Variants in TRAPPC13 observed in about 807,000 individuals in gnomAD.
TRAPPC13 encodes trafficking protein particle complex subunit 13.
In TRAPPC13, 39 loss-of-function variants were observed where a neutral mutation model predicts 54.0. The observed-to-expected ratio is 0.72, with a 90% confidence interval of 0.56 to 0.94. The LOEUF (loss-of-function observed/expected upper bound fraction) is 0.94, where lower values mean the gene tolerates loss of function less well. TRAPPC13 is among the 40% of genes least tolerant of loss of function. TRAPPC13 has a pLI of 0.00. For synonymous variants in TRAPPC13, 148 were observed against 167.7 expected (o/e 0.88, Z 0.91); for missense variants, 386 against 488.1 (o/e 0.79, Z 1.97).
Position 65,652,903 on chromosome 5 carries a change from C to A in TRAPPC13, c.546+358C>A, listed in dbSNP as rs144669676. 9.4e-3 allele frequency among the ~76,000 whole-genome samples: 1,425 copies of A among 151,950 alleles called. 24 individuals carry two copies. The highest frequency in any genetic ancestry group is 0.033 in the African/African-American group (1,366 of 41,432). ...ACAAAAATTGAATTAGTAGATCTAA[C>A]GCTGCAAAATAGATTTAATATTCAC... On this transcript the variant is annotated intron_variant, in intron 7 of 12. Coordinates refer to ENST00000399438, the MANE Select transcript of TRAPPC13 (RefSeq NM_024941.4).
At position 65,650,836 on chromosome 5, in the gene TRAPPC13, C is replaced by G; in HGVS notation, c.455C>G (p.Thr152Ser). The G allele has an allele frequency of 6.2e-7, 1 of 1,613,260 alleles. No homozygotes were observed. ...TTGGTATGTGCTGTGAGTTATACAA[C>G]TCAGGCTGGAGAAAAAATGTATTTC... ...HILVCAVSYT[T>S]QAGEKMYFRK... Residue 152 changes from threonine to serine, a missense_variant, in exon 6 of 13, where the codon ACT (threonine) becomes AGT (serine). By Grantham distance (58) the Thr-to-Ser change is moderately conservative (BLOSUM62 1). Coordinates refer to ENST00000399438, the MANE Select transcript of TRAPPC13 (RefSeq NM_024941.4).
At chr5:65,652,396 A>T in intron 6 of TRAPPC13, 105 bp from the exon 7 acceptor site, 1 of 717,962 alleles carries the variant, frequency 1.4e-6, no homozygotes, top group Non-Finnish European at 2.3e-6. Flanking sequence ...TCTTTTAACA[A>T]TTAAAATTGG....
chr5:65,640,042 G>A (rs900027603), intron 4 of TRAPPC13, among the ~76,000 whole-genome samples: 7 of 152,196 alleles, frequency 4.6e-5, no homozygotes, highest in Admixed American at 3.3e-4. Flanking sequence ...GAAACTGGAT[G>A]CAAATTTGTG....
intron 4 of TRAPPC13, among the ~76,000 whole-genome samples, chr5:65,638,899 C>T (rs62372487): frequency 0.073 from 11,172 of 152,156 alleles, 419 homozygotes; most frequent in East Asian, 0.099. Flanking sequence ...TCCTGCCCAA[C>T]GTGGTGAAAT....
At chr5:65,638,344 T>A (rs1466291441) in intron 4 of TRAPPC13, among the ~76,000 whole-genome samples, 2 of 152,154 alleles carry the variant, frequency 1.3e-5, no homozygotes, top group South Asian at 4.1e-4. Flanking sequence ...AATAGCAGTT[T>A]AGTATTTGTT....
intron 4 of TRAPPC13, among the ~76,000 whole-genome samples, chr5:65,643,088 A>T (rs1756030354): frequency 6.6e-6 from 1 of 152,044 alleles, no homozygotes; most frequent in African/African-American, 2.4e-5. Flanking sequence ...TTTTTAAAGA[A>T]TTCTGTAATT....
chr5:65,660,885 A>T lies in TRAPPC13; in HGVS notation c.885A>T (p.Gln295His). Residue 295 changes from glutamine (Q) to histidine (H), a missense_variant, in exon 10 of 13, where the codon CAA becomes CAT. By Grantham distance (24) the Gln-to-His change is conservative. Coordinates refer to ENST00000399438, the MANE Select transcript of TRAPPC13 (RefSeq NM_024941.4). ...AAAGGGGAAGGTTACAGACCAGCCA[A>T]CTTCAAAGAATGGTGAGTCTGGAAA... is the stretch of plus-strand genomic sequence containing the variant. ...LGERGRLQTS[Q>H]LQRMAPGYGD... is the part of the protein sequence containing the mutation. The T allele has an allele frequency of 6.2e-7, 1 of 1,609,272 alleles. No individual in the cohort carries two copies. Among genetic ancestry groups the T allele is most frequent in the Non-Finnish European group, 8.5e-7 (1 of 1,177,770 alleles).
intron 9 of TRAPPC13, among the ~76,000 whole-genome samples, chr5:65,659,967 C>CAAAAAAAAAAAAAA (rs141876171): frequency 1.2e-4 from 11 of 95,218 alleles, no homozygotes; most frequent in Non-Finnish European, 1.6e-4. Flanking sequence ...GTATTTTAAA[C>CAAAAAAAAAAAAAA]AAAAAAAAAA....
At chr5:65,658,813 A>G (rs37352) in intron 9 of TRAPPC13, among the ~76,000 whole-genome samples, 91,628 of 151,634 alleles carry the variant, frequency 0.6, 27,990 homozygotes, top group South Asian at 0.64. Flanking sequence ...TCCACCTCCC[A>G]GGTTCAAGCA....
intron 4 of TRAPPC13, among the ~76,000 whole-genome samples, chr5:65,643,546 G>T (rs555395967): frequency 2.6e-5 from 4 of 151,786 alleles, no homozygotes. Flanking sequence ...CGGCTGGGTG[G>T]GGTGGCTCAT....
intron 2 of TRAPPC13, 72 bp downstream of exon 2, chr5:65,635,441 C>A: frequency 8.2e-7 from 1 of 1,213,728 alleles, no homozygotes; most frequent in Non-Finnish European, 1.2e-6. Flanking sequence ...TTACCTTGGA[C>A]TAAGCCTAGC....
chr5:65,637,805 G>A, intron 4 of TRAPPC13, 25 bp downstream of exon 4: 3 of 1,412,332 alleles, frequency 2.1e-6, no homozygotes, highest in Non-Finnish European at 2.0e-6. Context: ...TACTTGGGAT[G>A]TATTTTAGTC....
intron 1 of TRAPPC13, chr5:65,629,744 C>T (rs1374469830): frequency 2.0e-6 from 3 of 1,536,068 alleles, no homozygotes; most frequent in Non-Finnish European, 2.6e-6. Flanking sequence ...TCCACTCAGA[C>T]CTAAAAGATC....
At chr5:65,630,167 C>T (rs1308396124) in intron 1 of TRAPPC13, 1 of 1,535,966 alleles carries the variant, frequency 6.5e-7, no homozygotes, top group Non-Finnish European at 8.7e-7. Context: ...AATTATTAGG[C>T]ACAATGAACT....
intron 1 of TRAPPC13, chr5:65,630,137 A>T: frequency 6.5e-7 from 1 of 1,536,068 alleles, no homozygotes; most frequent in Non-Finnish European, 8.7e-7. Context: ...TCTGGAAGAC[A>T]TTTGGACAAA....
At chr5:65,642,367 T>TTTC (rs1446283696) in intron 4 of TRAPPC13, among the ~76,000 whole-genome samples, 3 of 152,178 alleles carry the variant, frequency 2.0e-5, no homozygotes, top group Non-Finnish European at 2.9e-5. Context: ...CCCCTGGTCA[T>TTTC]TTCTTAGGTT....
At chr5:65,635,921 T>A in intron 2 of TRAPPC13, 23 bp from the exon 3 acceptor site, 1 of 1,480,498 alleles carries the variant, frequency 6.8e-7, no homozygotes, top group Non-Finnish European at 9.2e-7. Context: ...ATGTTAGAAT[T>A]TTATGTTTTT....
intron 7 of TRAPPC13, among the ~76,000 whole-genome samples, 197 bp from the exon 8 acceptor site, chr5:65,655,439 C>A (rs1463382303): frequency 1.3e-5 from 2 of 152,052 alleles, no homozygotes; most frequent in African/African-American, 4.8e-5. Flanking sequence ...GTCATTTAAC[C>A]TTAGCAGTTT....
rs184449801 is a variant in TRAPPC13 at position 65,630,638 on chromosome 5, A to G, written c.47-4663A>G. ...GGATTTTGGTTAATCTCTAAAATCTAATTTTACTGTATTTTTTTCCTTACC... is the reference window on the plus strand; with the variant it reads ...GGATTTTGGTTAATCTCTAAAATCTGATTTTACTGTATTTTTTTCCTTACC... On this transcript the variant is annotated intron_variant, in intron 1 of 12. Transcript: ENST00000399438. 3.0e-4 allele frequency: 311 copies of G among 1,031,648 alleles called. 3 individuals carry two copies. In the African/African-American group the frequency reaches 4.8e-3, roughly 16 times the overall value. The allele number at this position is 1,031,648 out of a possible 1,614,324, so 63.9% of individuals were successfully genotyped here.
Sources: gnomAD v4.1 joint callset for allele counts (sites outside exome capture counted in the v4.1 genomes callset) on GRCh38, gnomAD v4.1.1 for gene constraint, MANE v1.5 for transcripts, NCBI Gene and HGNC (gene_info 2026-07-23, HGNC 2026-07-21) for gene names.